PTPRS: variants seen among roughly 807,000 people sequenced by gnomAD.
PTPRS encodes receptor-type tyrosine-protein phosphatase S.
In PTPRS, 63 loss-of-function variants were observed where a neutral mutation model predicts 215.3. The observed-to-expected ratio is 0.29, with a 90% CI of 0.24 to 0.36. PTPRS has a LOEUF of 0.36. PTPRS is among the 10% of genes least tolerant of loss of function. PTPRS has a pLI of 1.00. For missense variants in PTPRS, 2,258 were observed against 2,825.8 expected (o/e 0.80, Z 4.56); for synonymous variants, 1,404 against 1,191.4 (o/e 1.18, Z -3.68).
At chr19:5,247,922 C>T (rs1034397507) in intron 9 of PTPRS, among the ~76,000 whole-genome samples, 1 of 151,576 alleles carries the variant, frequency 6.6e-6, no homozygotes, top group East Asian at 1.9e-4. Flanking sequence ...AGAAGTCGCA[C>T]TGGAGACAGG....
chr19:5,220,852 A>C, intron 20 of PTPRS, 148 bp downstream of exon 20: 2 of 944,244 alleles, frequency 2.1e-6, no homozygotes, highest in Non-Finnish European at 3.2e-6. Context: ...GAAGCATTGA[A>C]TCTTGGATGA....
rs369756620 is a variant in PTPRS at position 5,214,685 on chromosome 19, C to A, written c.4370G>T (p.Cys1457Phe). The change falls in exon 29 of 38, where the codon TGT becomes TTT. Residue 1457 changes from cysteine to phenylalanine, a missense_variant. Coordinates refer to ENST00000262963, the MANE Select transcript of PTPRS (RefSeq NM_002850.4). The part of the protein sequence containing the change: ...INANYVDGYR[C>F]QNAYIATQGP... ...CTGCGTGGCAATGTACGCGTTCTGA[C>A]ACCGGTAGCCGTCCACGTAGTTGGC... The A allele has an allele frequency of 1.2e-6, 2 of 1,612,804 alleles. No homozygotes were observed. The highest frequency in any genetic ancestry group is 1.7e-6 in the Non-Finnish European group (2 of 1,179,708).
chr19:5,331,844 A>G (rs2050336370), intron 1 of PTPRS, among the ~76,000 whole-genome samples: 1 of 152,212 alleles, frequency 6.6e-6, no homozygotes, highest in South Asian at 2.1e-4. Flanking sequence ...GACCAATATT[A>G]ATATAATCAG....
rs1031318212 is a variant in PTPRS at position 5,221,544 on chromosome 19, C to T, written c.3202-291G>A. Among the ~76,000 whole-genome samples the T allele has an allele frequency of 5.3e-5, 8 of 151,464 alleles. No homozygotes were observed. The South Asian group carries it at 6.3e-4, about 12-fold the overall frequency. ...TGATCCCATGCTGAATTCCCAGTCC[C>T]GACTGAGCCCCAATCCCACTGAACC... On this transcript the variant is annotated intron_variant, in intron 19 of 37. Transcript: ENST00000262963.
chr19:5,221,965 A>C (rs1260226338), intron 19 of PTPRS, among the ~76,000 whole-genome samples, 158 bp downstream of exon 19: 1 of 151,956 alleles, frequency 6.6e-6, no homozygotes, highest in East Asian at 1.9e-4. Context: ...CCCAAGTCTG[A>C]TTCCCAGTAT....
In PTPRS at chr19:5,244,943, C is replaced by T. The variant is rs555059376; in HGVS notation, c.989-461G>A. 2.6e-5 allele frequency among the ~76,000 whole-genome samples: 4 copies of T among 151,792 alleles called. No individual in the cohort carries two copies. Among genetic ancestry groups the T allele is most frequent in the African/African-American group, 7.3e-5 (3 of 41,352 alleles). ...TCGGCCTCCCGAAGTGCTGGGATTA[C>T]AGGTGTGAGCCACCGCACCCGGCCT... is the stretch of plus-strand genomic sequence containing the variant. On this transcript the variant is annotated intron_variant, in intron 10 of 37. Coordinates refer to ENST00000262963, the MANE Select transcript of PTPRS (RefSeq NM_002850.4). This position sits in a 1 kb window ranked among gnomAD's most constrained non-coding sequence, Gnocchi z 7.2.
intron 1 of PTPRS, among the ~76,000 whole-genome samples, chr19:5,318,625 C>T (rs1240923243): frequency 1.3e-5 from 2 of 152,160 alleles, no homozygotes; most frequent in East Asian, 3.8e-4. Context: ...TGATAGACTG[C>T]AGATATTATC....
At position 5,293,707 on chromosome 19, in the gene PTPRS, G is replaced by A. The variant is rs1439407150; in HGVS notation, c.-94-7473C>T. Among the ~76,000 whole-genome samples, 1 of 152,170 alleles carries A rather than the reference G, an allele frequency of 6.6e-6. No individual in the cohort carries two copies. The highest frequency in any genetic ancestry group is 1.9e-4 in the East Asian group (1 of 5,160). ...TGGGACCGGAGGCACGGTGATGGGG[G>A]CGGGGGGCGTCCCCTCTTCCCCCTC... On this transcript the variant is annotated intron_variant, in intron 1 of 37. Coordinates refer to ENST00000262963, the MANE Select transcript of PTPRS (RefSeq NM_002850.4). This position sits in a 1 kb window ranked among gnomAD's most constrained non-coding sequence, Gnocchi z 8.4.
chr19:5,306,970 C>A (rs2049517325), intron 1 of PTPRS, among the ~76,000 whole-genome samples: 1 of 152,208 alleles, frequency 6.6e-6, no homozygotes, highest in African/African-American at 2.4e-5. Context: ...AGGCTTGAAG[C>A]AACCTGAATG....
chr19:5,324,704 C>CG lies in PTPRS; in HGVS notation c.-95+15959dup, dbSNP rs946875066. Among the ~76,000 whole-genome samples the CG allele has an allele frequency of 8.6e-4, 131 of 152,318 alleles. 1 individual carries two copies. The highest frequency in any genetic ancestry group is 3.4e-3 in the Middle Eastern group (1 of 294). ...CAAGTCACATCCCCTCTCTGAGCCTCGGTTTCCTTATCTGCGAAAGTGGGG... is the reference window on the plus strand; with the variant it reads ...CAAGTCACATCCCCTCTCTGAGCCTCGGGTTTCCTTATCTGCGAAAGTGGGG... On this transcript the variant is annotated intron_variant, in intron 1 of 37. Coordinates refer to ENST00000262963, the MANE Select transcript of PTPRS (RefSeq NM_002850.4).
At chr19:5,212,738 G>C (rs2041026927) in intron 30 of PTPRS, among the ~76,000 whole-genome samples, 1 of 152,090 alleles carries the variant, frequency 6.6e-6, no homozygotes, top group Non-Finnish European at 1.5e-5. Flanking sequence ...AGCTACTTGG[G>C]AGGCTGAGGC....
chr19:5,314,555 A>G (rs961409685), intron 1 of PTPRS, among the ~76,000 whole-genome samples: 1 of 152,090 alleles, frequency 6.6e-6, no homozygotes. Context: ...ATTTATTTAA[A>G]AAAAAATTTT....
chr19:5,267,737 C>T (rs1338331876), intron 4 of PTPRS, among the ~76,000 whole-genome samples: 1 of 148,940 alleles, frequency 6.7e-6, no homozygotes, highest in Non-Finnish European at 1.5e-5. Context: ...AACTCCACTC[C>T]AACGGACAAG....
At position 5,208,307 on chromosome 19, in the gene PTPRS, C is replaced by T. The variant is rs933577153; in HGVS notation, c.5572G>A (p.Asp1858Asn). 3 of 1,613,948 alleles carry T rather than the reference C, an allele frequency of 1.9e-6. No homozygotes were observed. Among genetic ancestry groups the T allele is most frequent in the Non-Finnish European group, 2.5e-6 (3 of 1,179,904 alleles). ...GVPKSGEGFIDFIGQVHKTKE... is the reference protein window; with the variant it reads ...GVPKSGEGFINFIGQVHKTKE... ...GTCTTATGCACTTGGCCAATGAAGT[C>T]GATGAAGCCCTCCCCCGACTTTGGC... is the stretch of plus-strand genomic sequence containing the variant. The change falls in exon 36 of 38, where the codon GAC becomes AAC. Residue 1858 changes from aspartate to asparagine, a missense_variant. By Grantham distance (23) the Asp-to-Asn change is conservative. This residue lies in a region of PTPRS where 927 missense variants were observed against 1,125.9 expected (regional missense o/e 0.82). Transcript: ENST00000262963.
At chr19:5,214,042 C>G (rs1298977379) in intron 30 of PTPRS, among the ~76,000 whole-genome samples, 1 of 152,214 alleles carries the variant, frequency 6.6e-6, no homozygotes, top group Admixed American at 6.5e-5. Flanking sequence ...ATCATAGGCT[C>G]AAGCTGGGTG....
intron 25 of PTPRS, 112 bp from the exon 26 acceptor site, chr19:5,216,879 G>A (rs1018473936): frequency 4.6e-5 from 30 of 654,586 alleles, no homozygotes; most frequent in South Asian, 5.2e-5. Flanking sequence ...AGAGCAACGC[G>A]GACAACGGGG....
chr19:5,312,791 T>C (rs1457126726), intron 1 of PTPRS, among the ~76,000 whole-genome samples: 2 of 152,200 alleles, frequency 1.3e-5, no homozygotes, highest in African/African-American at 2.4e-5. Flanking sequence ...ATTCGAATTG[T>C]CTCCATTTTA....
Position 5,225,823 on chromosome 19 carries a change from G to C in PTPRS, c.2398C>G (p.Gln800Glu). Residue 800 changes from glutamine to glutamate, a missense_variant, in exon 17 of 38, where the codon CAG becomes GAG. Transcript: ENST00000262963. ...AEYEMVITNL[Q>E]PETAYSITVA... ...GTGATGGAGTACGCGGTCTCAGGCT[G>C]CAAGTTTGTGATGACCATCTCCTGC... 1 of 1,613,990 alleles carries C rather than the reference G, an allele frequency of 6.2e-7. No homozygotes were observed. The highest frequency in any genetic ancestry group is 1.3e-5 in the African/African-American group (1 of 75,024).
chr19:5,269,188 G>A (rs76203646), intron 4 of PTPRS, among the ~76,000 whole-genome samples: 10,228 of 152,096 alleles, frequency 0.067, 495 homozygotes, highest in Non-Finnish European at 0.11. Flanking sequence ...ACGCTTGCCC[G>A]TGCCCACGTG....
Sources: gnomAD v4.1 joint callset for allele counts (sites outside exome capture counted in the v4.1 genomes callset) on GRCh38, gnomAD v4.1.1 for gene constraint, gnomAD v4.1.1 regional missense constraint, Gnocchi (gnomAD v3.1) non-coding constraint, MANE v1.5 for transcripts, NCBI Gene and HGNC (gene_info 2026-07-23, HGNC 2026-07-21) for gene names.